Variants in GRIK2 observed in about 807,000 individuals in gnomAD.
GRIK2 encodes the protein glutamate ionotropic receptor kainate type subunit 2.
In GRIK2, 32 loss-of-function variants were observed where a neutral mutation model predicts 100.3. The ratio of observed to expected loss-of-function variants is 0.32; its 90% CI spans 0.24 to 0.43. The LOEUF (loss-of-function observed/expected upper bound fraction) is 0.43, where lower values mean the gene tolerates loss of function less well. GRIK2 is among the 20% of genes least tolerant of loss of function. The probability of loss-of-function intolerance (pLI) is 1.00; values close to 1 mark genes in which losing one functional copy is unlikely to be tolerated. For missense variants in GRIK2, 843 were observed against 1,114.9 expected (o/e 0.76, Z 3.47); for synonymous variants, 417 against 389.4 (o/e 1.07, Z -0.83).
At chr6:101,622,322 C>T (rs1404359613) in intron 3 of GRIK2, among the ~76,000 whole-genome samples, 1 of 152,070 alleles carries the variant, frequency 6.6e-6, no homozygotes, top group Non-Finnish European at 1.5e-5. Context: ...ACATGAAATA[C>T]AATTACATCT....
Position 101,793,997 on chromosome 6 carries a change from C to T in GRIK2, c.952-5651C>T, listed in dbSNP as rs191787570. On this transcript the variant is annotated intron_variant, in intron 7 of 16. Coordinates refer to ENST00000369134, the MANE Select transcript of GRIK2 (RefSeq NM_021956.5). The stretch of plus-strand genomic sequence containing the variant: ...CTAGCAATCAGCGAGACTCCATGGG[C>T]GTAGGACCCTCCGAGCCAGGTGCAG... 1.1e-3 allele frequency among the ~76,000 whole-genome samples: 174 copies of T among 152,308 alleles called. 1 individual carries two copies. The highest frequency in any genetic ancestry group is 3.8e-3 in the African/African-American group (159 of 41,570).
chr6:101,993,662 C>T (rs1794494611), intron 14 of GRIK2: 1 of 150,110 alleles, frequency 6.7e-6, no homozygotes, highest in Non-Finnish European at 1.5e-5. Context: ...TTTAAAATTC[C>T]TGATTCTTCT....
intron 3 of GRIK2, 138 bp from the exon 4 acceptor site, chr6:101,626,242 G>A (rs1780431410): frequency 3.9e-6 from 3 of 774,710 alleles, no homozygotes; most frequent in Non-Finnish European, 6.2e-6. Context: ...TTAAATTAGT[G>A]AAAAGTAGAT....
chr6:101,553,346 T>G (rs1776599771), intron 2 of GRIK2, among the ~76,000 whole-genome samples: 1 of 152,174 alleles, frequency 6.6e-6, no homozygotes, highest in Non-Finnish European at 1.5e-5. Flanking sequence ...TAAAGGGATA[T>G]GTTTGAGTTC....
chr6:101,741,422 C>T (rs564435127), intron 7 of GRIK2, among the ~76,000 whole-genome samples: 18 of 152,154 alleles, frequency 1.2e-4, no homozygotes, highest in East Asian at 7.7e-4. Context: ...AGTTAACTGA[C>T]GATAGATAGA....
At chr6:101,430,145 C>T (rs1769296299) in intron 2 of GRIK2, among the ~76,000 whole-genome samples, 1 of 152,282 alleles carries the variant, frequency 6.6e-6, no homozygotes, top group East Asian at 1.9e-4. Context: ...ATCATGTTCT[C>T]ACCTCAGCCA....
At chr6:101,772,624 A>T (rs961200840) in intron 7 of GRIK2, among the ~76,000 whole-genome samples, 2 of 149,494 alleles carry the variant, frequency 1.3e-5, no homozygotes, top group Non-Finnish European at 3.0e-5. Context: ...AAATGAATAA[A>T]GTATAATCTT....
chr6:101,839,254 C>T lies in GRIK2; in HGVS notation c.1318-20033C>T, dbSNP rs530411224. On this transcript the variant is annotated intron_variant, in intron 10 of 16. Transcript: ENST00000369134. Reference sequence around the variant, plus strand: ...GGTGCCAGTAGAGGCAATGCCAGTGCTTACTTTTCACCAATCCTTGAGCTG... The same window carrying T: ...GGTGCCAGTAGAGGCAATGCCAGTGTTTACTTTTCACCAATCCTTGAGCTG... Among the ~76,000 whole-genome samples, 8 of 152,292 alleles carry T rather than the reference C, an allele frequency of 5.3e-5. No individual in the cohort carries two copies. In the South Asian group the frequency reaches 1.7e-3, roughly 32 times the overall value.
chr6:101,729,437 A>G (rs1232866001), intron 7 of GRIK2, among the ~76,000 whole-genome samples: 1 of 151,964 alleles, frequency 6.6e-6, no homozygotes, highest in Non-Finnish European at 1.5e-5. Flanking sequence ...TCCTTGGCTA[A>G]TTGTTCCATG....
chr6:101,881,250 T>C (rs994874368), intron 11 of GRIK2, among the ~76,000 whole-genome samples: 5 of 151,930 alleles, frequency 3.3e-5, no homozygotes, highest in African/African-American at 1.2e-4. Flanking sequence ...TATGTATGTT[T>C]AAATATAATA....
At chr6:101,478,097 TAA>T (rs1211868376) in intron 2 of GRIK2, among the ~76,000 whole-genome samples, 2 of 152,186 alleles carry the variant, frequency 1.3e-5, no homozygotes, top group Non-Finnish European at 2.9e-5. Flanking sequence ...CATTTTTGAA[TAA>T]GAGTATATAA....
chr6:101,755,498 A>G (rs967090919), intron 7 of GRIK2, among the ~76,000 whole-genome samples: 1 of 152,082 alleles, frequency 6.6e-6, no homozygotes, highest in African/African-American at 2.4e-5. Context: ...ACTCCTAGCC[A>G]TATTATATGA....
At chr6:101,800,211 T>C (rs1583176671) in intron 8 of GRIK2, among the ~76,000 whole-genome samples, 1 of 151,962 alleles carries the variant, frequency 6.6e-6, no homozygotes, top group East Asian at 1.9e-4. Context: ...GTTATTTAAA[T>C]TATATTTACA....
chr6:101,634,103 A>G (rs906124948), intron 4 of GRIK2, among the ~76,000 whole-genome samples: 3 of 152,028 alleles, frequency 2.0e-5, no homozygotes, highest in Non-Finnish European at 4.4e-5. Context: ...TGGGGATATG[A>G]GATATGGAGA....
At chr6:101,576,654 G>A (rs1468656474) in intron 2 of GRIK2, among the ~76,000 whole-genome samples, 1 of 151,940 alleles carries the variant, frequency 6.6e-6, no homozygotes, top group Admixed American at 6.6e-5. Flanking sequence ...CAAATGCTAA[G>A]TTAAGCTCTT....
intron 10 of GRIK2, among the ~76,000 whole-genome samples, chr6:101,854,967 A>C (rs1784349199): frequency 6.6e-6 from 1 of 152,196 alleles, no homozygotes; most frequent in Non-Finnish European, 1.5e-5. Flanking sequence ...GATAGAACCA[A>C]AGGAAAGATT....
intron 7 of GRIK2, among the ~76,000 whole-genome samples, chr6:101,771,313 G>A (rs1778388844): frequency 6.6e-6 from 1 of 151,724 alleles, no homozygotes; most frequent in Non-Finnish European, 1.5e-5. Context: ...AGCTAGTGTG[G>A]TTTGATTTAA....
At chr6:102,047,456 A>C (rs1582784337) in intron 15 of GRIK2, among the ~76,000 whole-genome samples, 1 of 152,106 alleles carries the variant, frequency 6.6e-6, no homozygotes, top group African/African-American at 2.4e-5. Context: ...TATTGTTAAA[A>C]ATTTTCTTCC....
At chr6:101,989,877 A>G (rs1794261142) in intron 14 of GRIK2, among the ~76,000 whole-genome samples, 1 of 151,382 alleles carries the variant, frequency 6.6e-6, no homozygotes, top group African/African-American at 2.4e-5. Flanking sequence ...TAATTTTTGA[A>G]CACTTTTATC....
Sources: allele counts gnomAD v4.1 joint callset (sites outside exome capture counted in the v4.1 genomes callset), GRCh38; gene constraint gnomAD v4.1.1; transcripts MANE v1.5; gene names NCBI Gene and HGNC (gene_info 2026-07-23, HGNC 2026-07-21).